Variants in FAM118A observed in about 807,000 individuals in gnomAD.
FAM118A encodes the protein protein FAM118A.
FAM118A carries 25 observed loss-of-function variants against 38.2 expected under a neutral mutation model. The observed-to-expected ratio is 0.65, with a 90% confidence interval of 0.48 to 0.91. FAM118A has a LOEUF of 0.91. Ranked by LOEUF, FAM118A falls within the 40% of genes least tolerant of loss-of-function variation. FAM118A has a pLI of 0.00. For synonymous variants in FAM118A, 178 were observed against 184.1 expected (o/e 0.97, Z 0.27); for missense variants, 425 against 463.3 (o/e 0.92, Z 0.76).
intron 1 of FAM118A, among the ~76,000 whole-genome samples, chr22:45,311,039 C>T (rs1050082667): frequency 2.6e-5 from 4 of 152,118 alleles, no homozygotes; most frequent in Admixed American, 6.5e-5. Context: ...TCGTTTTTAT[C>T]TGGAGGAAGC....
intron 1 of FAM118A, among the ~76,000 whole-genome samples, chr22:45,311,173 G>A (rs1253280799): frequency 6.6e-6 from 1 of 152,180 alleles, no homozygotes; most frequent in African/African-American, 2.4e-5. Flanking sequence ...GCTGATTCTT[G>A]AAGGTTGAGC....
At chr22:45,313,848 C>T (rs576645038) in intron 1 of FAM118A, among the ~76,000 whole-genome samples, 14 of 152,220 alleles carry the variant, frequency 9.2e-5, no homozygotes, top group Admixed American at 2.0e-4. Context: ...ACTAATGTGA[C>T]GCAGCTGTTT....
chr22:45,323,725 T>C (rs957213147), intron 3 of FAM118A, among the ~76,000 whole-genome samples: 1 of 152,246 alleles, frequency 6.6e-6, no homozygotes, highest in Admixed American at 6.5e-5. Flanking sequence ...TGATTGTATA[T>C]TCACTTAGTG....
chr22:45,323,365 A>G lies in FAM118A; in HGVS notation c.238A>G (p.Lys80Glu), dbSNP rs772151271. 1 of 1,614,186 alleles carries G rather than the reference A, an allele frequency of 6.2e-7. No individual in the cohort carries two copies. ...HPGDVAEFRR[K>E]VTKDRDLLVV... is the part of the protein sequence containing the mutation. Reference sequence around the variant, plus strand: ...CGGAGACGTCGCCGAGTTCCGGAGGAAAGTGACAAAGGACCGGGACCTGTT... The same window carrying G: ...CGGAGACGTCGCCGAGTTCCGGAGGGAAGTGACAAAGGACCGGGACCTGTT... The change falls in exon 3 of 9, where the codon AAA becomes GAA. Residue 80 changes from lysine to glutamate, a missense_variant. Lys to Glu is a moderately conservative substitution (Grantham distance 56, BLOSUM62 1). Coordinates refer to ENST00000441876, the MANE Select transcript of FAM118A (RefSeq NM_017911.4).
chr22:45,317,772 G>A (rs997199156), intron 1 of FAM118A, among the ~76,000 whole-genome samples: 2 of 152,256 alleles, frequency 1.3e-5, no homozygotes, highest in Non-Finnish European at 2.9e-5. Flanking sequence ...TCTTGTGTGG[G>A]TGGATGGTAC....
intron 7 of FAM118A, among the ~76,000 whole-genome samples, chr22:45,335,735 G>A (rs781411516): frequency 6.6e-5 from 10 of 152,252 alleles, no homozygotes; most frequent in South Asian, 2.1e-4. Flanking sequence ...CAGCTCTTCC[G>A]AAATGTTCGT....
chr22:45,338,705 A>G (rs1226086581), intron 8 of FAM118A, among the ~76,000 whole-genome samples: 5 of 152,216 alleles, frequency 3.3e-5, no homozygotes, highest in African/African-American at 1.2e-4. Flanking sequence ...AGCCAAAGTA[A>G]AACACTCTTA....
chr22:45,322,598 G>A (rs1044450199), intron 2 of FAM118A, among the ~76,000 whole-genome samples, 172 bp downstream of exon 2: 5 of 152,180 alleles, frequency 3.3e-5, no homozygotes, highest in South Asian at 2.1e-4. Flanking sequence ...TGTAAGGAAC[G>A]TTCCAGAAGG....
chr22:45,330,878 A>G (rs2085660965), intron 5 of FAM118A, 147 bp downstream of exon 5: 10 of 803,530 alleles, frequency 1.2e-5, no homozygotes, highest in South Asian at 4.4e-5. Flanking sequence ...GGGAGGGGCC[A>G]CGTCTCTTGT....
Position 45,340,738 on chromosome 22 carries a change from G to A in FAM118A, c.*333G>A, listed in dbSNP as rs1031587099. The A allele has an allele frequency of 3.5e-5, 14 of 395,424 alleles. No homozygotes were observed. Among genetic ancestry groups the A allele is most frequent in the African/African-American group, 8.1e-5 (4 of 49,574 alleles). 24.5% of individuals were successfully genotyped at this position (395,424 alleles called of 1,614,324 possible). Reference sequence around the variant, plus strand: ...CTCTTTTGTCAAGGTGGTATTTTTCGTAATAAAAGGGGAAGAGTAAAGACT... The same window carrying A: ...CTCTTTTGTCAAGGTGGTATTTTTCATAATAAAAGGGGAAGAGTAAAGACT... On this transcript the variant is annotated 3_prime_UTR_variant, in exon 9 of 9. Transcript: ENST00000441876.
At position 45,322,416 on chromosome 22, in the gene FAM118A, C is replaced by A. The variant is rs1419136824; in HGVS notation, c.37C>A (p.Gln13Lys). ...GGAAAAGACAACAAATAGAAGTGAACAAAAATCCAGGTAATTAAAGGCAAC... is the reference window on the plus strand; with the variant it reads ...GGAAAAGACAACAAATAGAAGTGAAAAAAAATCCAGGTAATTAAAGGCAAC... Reference protein sequence around the residue: ...SVEKTTNRSEQKSRKFLKSLI... With the variant: ...SVEKTTNRSEKKSRKFLKSLI... The change falls in exon 2 of 9, where the codon CAA becomes AAA. Residue 13 changes from glutamine to lysine, a missense_variant. Coordinates refer to ENST00000441876, the MANE Select transcript of FAM118A (RefSeq NM_017911.4). The A allele has an allele frequency of 1.9e-6, 3 of 1,609,608 alleles. No homozygotes were observed. The East Asian group carries it at 6.7e-5, about 36-fold the overall frequency.
chr22:45,318,353 C>T (rs905631997), intron 1 of FAM118A: 3 of 152,230 alleles, frequency 2.0e-5, no homozygotes, highest in East Asian at 3.9e-4. Context: ...GCCCACACAC[C>T]GTGGTGACGA....
chr22:45,336,447 G>C, intron 8 of FAM118A, 36 bp downstream of exon 8: 1 of 1,556,952 alleles, frequency 6.4e-7, no homozygotes, highest in Non-Finnish European at 8.9e-7. Context: ...GAGCTGCCTC[G>C]GGTCTCTCTT....
chr22:45,327,811 T>A (rs1569140766), intron 3 of FAM118A, 31 bp from the exon 4 acceptor site: 2 of 1,610,792 alleles, frequency 1.2e-6, no homozygotes, highest in Non-Finnish European at 8.5e-7. Flanking sequence ...AGAGCTGATG[T>A]TTTGGTAACT....
intron 1 of FAM118A, among the ~76,000 whole-genome samples, chr22:45,313,074 A>G (rs1057194698): frequency 2.0e-4 from 31 of 152,130 alleles, no homozygotes; most frequent in African/African-American, 6.5e-4. Context: ...CCCAGGGCCT[A>G]TCTGCGTCAA....
At chr22:45,335,238 G>T (rs2086002399) in intron 6 of FAM118A, 112 bp from the exon 7 acceptor site, 3 of 1,264,910 alleles carry the variant, frequency 2.4e-6, no homozygotes, top group Admixed American at 1.8e-5. Context: ...GGGCTGACCT[G>T]CCCAGAAGCC....
intron 7 of FAM118A, among the ~76,000 whole-genome samples, chr22:45,336,039 C>T (rs1390154144): frequency 6.6e-6 from 1 of 152,248 alleles, no homozygotes; most frequent in Non-Finnish European, 1.5e-5. Flanking sequence ...GGGAGCTGCT[C>T]GCCTCACATC....
chr22:45,317,513 G>A (rs2084657409), intron 1 of FAM118A, among the ~76,000 whole-genome samples: 1 of 152,094 alleles, frequency 6.6e-6, no homozygotes, highest in Non-Finnish European at 1.5e-5. Flanking sequence ...AGGTTTTTTT[G>A]TTACACCACT....
upstream of FAM118A, chr22:45,309,841 C>T (rs1006108269): frequency 1.3e-5 from 2 of 151,734 alleles, no homozygotes; most frequent in Non-Finnish European, 3.0e-5. Context: ...TGGCTTCGCC[C>T]TTCCCCGGGG....
Sources: allele counts gnomAD v4.1 joint callset (sites outside exome capture counted in the v4.1 genomes callset), GRCh38; gene constraint gnomAD v4.1.1; transcripts MANE v1.5; gene names NCBI Gene and HGNC (gene_info 2026-07-23, HGNC 2026-07-21).